EXOC6: variants seen among roughly 807,000 people sequenced by gnomAD.
EXOC6 encodes the protein SEC15-like 1.
A neutral mutation model predicts 112.5 loss-of-function variants in EXOC6; 60 were observed. That is an observed-to-expected ratio of 0.53 (90% CI 0.43 to 0.66). The LOEUF (loss-of-function observed/expected upper bound fraction) is 0.66. Ranked by LOEUF, EXOC6 falls within the 30% of genes least tolerant of loss-of-function variation. EXOC6 has a pLI of 0.00. For synonymous variants in EXOC6, 295 were observed against 308.0 expected, an observed-to-expected ratio of 0.96 and a Z score of 0.44; for missense variants, 855 against 957.1, an observed-to-expected ratio of 0.89 and a Z score of 1.41.
At chr10:92,988,798 A>ACT (rs1589983745) in intron 18 of EXOC6, among the ~76,000 whole-genome samples, 2 of 107,882 alleles carry the variant, frequency 1.9e-5, no homozygotes, top group African/African-American at 9.2e-5. Flanking sequence ...CTCTACAAAA[A>ACT]ATACACACAC....
At chr10:92,850,094 C>G (rs1847250175) in intron 1 of EXOC6, among the ~76,000 whole-genome samples, 1 of 152,178 alleles carries the variant, frequency 6.6e-6, no homozygotes, top group Non-Finnish European at 1.5e-5. Context: ...ATCACTGCAT[C>G]TTGAAACTGA....
At chr10:92,827,817 A>G (rs1846411136) in intron 1 of EXOC6, among the ~76,000 whole-genome samples, 2 of 152,126 alleles carry the variant, frequency 1.3e-5, no homozygotes, top group Non-Finnish European at 2.9e-5. Context: ...TGCTCATCTT[A>G]CAGGCCCCCA....
chr10:92,945,567 C>T (rs552066623), intron 13 of EXOC6, among the ~76,000 whole-genome samples: 2 of 152,294 alleles, frequency 1.3e-5, no homozygotes, highest in South Asian at 4.1e-4. Flanking sequence ...ATTAAGACTA[C>T]ATTAACATTC....
intron 5 of EXOC6, among the ~76,000 whole-genome samples, chr10:92,902,842 GATATAA>G (rs1372525003): frequency 3.4e-4 from 51 of 152,028 alleles, no homozygotes; most frequent in African/African-American, 1.0e-3. Context: ...TTTTAGAATT[GATATAA>G]ATGGAATCTT....
chr10:92,863,292 A>G (rs949040173), intron 1 of EXOC6, among the ~76,000 whole-genome samples: 1 of 152,212 alleles, frequency 6.6e-6, no homozygotes, highest in South Asian at 2.1e-4. Context: ...TTTTTTACCT[A>G]TAGACATTTA....
chr10:92,970,042 T>C (rs1564872582), intron 17 of EXOC6, among the ~76,000 whole-genome samples: 1 of 152,178 alleles, frequency 6.6e-6, no homozygotes, highest in Non-Finnish European at 1.5e-5. Flanking sequence ...CTCAACTAGA[T>C]TATAAACTTT....
At chr10:92,865,535 C>T (rs545125854) in intron 1 of EXOC6, among the ~76,000 whole-genome samples, 9 of 150,228 alleles carry the variant, frequency 6.0e-5, no homozygotes, top group East Asian at 2.1e-4. Context: ...AGACGCCTCC[C>T]GGGCTCAAGC....
chr10:93,058,057 T>C (rs1846627138), intron 21 of EXOC6, among the ~76,000 whole-genome samples, 166 bp from the exon 22 acceptor site: 1 of 152,234 alleles, frequency 6.6e-6, no homozygotes, highest in Admixed American at 6.5e-5. Flanking sequence ...ATTTTTTGCA[T>C]GGTTACTATA....
rs1465652094 is a variant in EXOC6, at chr10:92,922,787, T to A, written c.888+2737T>A. 2.0e-5 allele frequency among the ~76,000 whole-genome samples: 3 copies of A among 152,288 alleles called. No individual in the cohort carries two copies. The South Asian group carries it at 6.2e-4, about 32-fold the overall frequency. ...CTTTGAGTATAGGGATCATTTTTTT[T>A]CTTAGAATACTGAATATTGAATGAG... On this transcript the variant is annotated intron_variant, in intron 8 of 21. Coordinates refer to ENST00000260762, the MANE Select transcript of EXOC6 (RefSeq NM_019053.6).
At chr10:92,965,270 G>A (rs1321319925) in intron 17 of EXOC6, among the ~76,000 whole-genome samples, 2 of 152,120 alleles carry the variant, frequency 1.3e-5, no homozygotes, top group African/African-American at 2.4e-5. Context: ...ATTTGTGCAT[G>A]TATATGTTTT....
intron 1 of EXOC6, among the ~76,000 whole-genome samples, chr10:92,887,731 TGCTG>T: frequency 6.6e-6 from 1 of 152,308 alleles, no homozygotes; most frequent in South Asian, 2.1e-4. Flanking sequence ...AGCGCTTGCT[TGCTG>T]GCTTTTAGAT....
At chr10:92,842,962 G>A (rs1216246541) in intron 1 of EXOC6, among the ~76,000 whole-genome samples, 1 of 152,040 alleles carries the variant, frequency 6.6e-6, no homozygotes, top group African/African-American at 2.4e-5. Flanking sequence ...AACTGCGTAG[G>A]TCACACACCA....
At chr10:92,934,269 T>A in intron 10 of EXOC6, 41 bp from the exon 11 acceptor site, 1 of 840,662 alleles carries the variant, frequency 1.2e-6, no homozygotes, top group South Asian at 2.8e-5. Context: ...TCTATTAGGG[T>A]TTTTTTTTTT....
intron 1 of EXOC6, among the ~76,000 whole-genome samples, chr10:92,850,268 C>T (rs1419744743): frequency 3.3e-5 from 5 of 152,150 alleles, no homozygotes; most frequent in Admixed American, 3.3e-4. Context: ...ATTTTTGGGA[C>T]ACTCAGGAAC....
At chr10:92,842,285 C>T (rs1434264970) in intron 1 of EXOC6, among the ~76,000 whole-genome samples, 12 of 148,070 alleles carry the variant, frequency 8.1e-5, no homozygotes, top group East Asian at 2.0e-4. Context: ...CTTGAACCCG[C>T]GAGGTGGAGG....
chr10:92,908,055 GTC>G (rs2133865881), intron 5 of EXOC6, among the ~76,000 whole-genome samples: 1 of 65,112 alleles, frequency 1.5e-5, no homozygotes, highest in South Asian at 6.1e-4. Context: ...TGAATATAAT[GTC>G]TTTTTTTTTT....
At chr10:92,991,763 G>A (rs12251276) in intron 18 of EXOC6, among the ~76,000 whole-genome samples, 47,603 of 151,488 alleles carry the variant, frequency 0.31, 8,222 homozygotes, top group East Asian at 0.74. Context: ...CTGTATGTGT[G>A]TGTGTCTTAA....
At chr10:92,952,718 C>T (rs1853488533) in intron 15 of EXOC6, among the ~76,000 whole-genome samples, 2 of 152,152 alleles carry the variant, frequency 1.3e-5, no homozygotes, top group Non-Finnish European at 2.9e-5. Context: ...TCTGTTTCTG[C>T]ATTAGTTTGC....
intron 1 of EXOC6, 99 bp from the exon 2 acceptor site, chr10:92,893,249 AT>A: frequency 1.2e-6 from 1 of 800,640 alleles, no homozygotes; most frequent in Non-Finnish European, 1.9e-6. Flanking sequence ...TCACCAGTTT[AT>A]TTGTTCAGAG....
Sources: gnomAD v4.1 joint callset for allele counts (sites outside exome capture counted in the v4.1 genomes callset) on GRCh38, gnomAD v4.1.1 for gene constraint, MANE v1.5 for transcripts, NCBI Gene and HGNC (gene_info 2026-07-23, HGNC 2026-07-21) for gene names.